Variants in CEP104 observed in about 807,000 individuals in gnomAD.
CEP104 encodes centrosomal protein 104.
A neutral mutation model predicts 113.3 loss-of-function variants in CEP104; 84 were observed. The observed-to-expected ratio is 0.74, with a 90% CI of 0.62 to 0.89. The LOEUF (loss-of-function observed/expected upper bound fraction) is 0.89, where lower values mean the gene tolerates loss of function less well. CEP104 is among the 40% of genes least tolerant of loss of function. The pLI is 0.00. For synonymous variants in CEP104, 378 were observed against 421.7 expected, an observed-to-expected ratio of 0.90 and a Z score of 1.27; for missense variants, 1,053 against 1,156.6, an observed-to-expected ratio of 0.91 and a Z score of 1.30.
chr1:3,842,548 G>A (rs932023958), intron 6 of CEP104, among the ~76,000 whole-genome samples: 1 of 152,210 alleles, frequency 6.6e-6, no homozygotes, highest in African/African-American at 2.4e-5. Flanking sequence ...TCAGCAAATC[G>A]CATGTGGCTC....
chr1:3,840,904 AG>A (rs1644400067), intron 6 of CEP104, among the ~76,000 whole-genome samples: 2 of 152,228 alleles, frequency 1.3e-5, no homozygotes, highest in African/African-American at 4.8e-5. Flanking sequence ...TTTTACTCAA[AG>A]GGTTAAGTTG....
intron 21 of CEP104, 71 bp downstream of exon 21, chr1:3,816,209 G>T: frequency 7.5e-7 from 1 of 1,335,138 alleles, no homozygotes; most frequent in Non-Finnish European, 1.0e-6. Context: ...TGCCCTGGAC[G>T]GGGATGCTTT....
In CEP104 at chr1:3,852,356, C is replaced by G. The variant is rs145413305; in HGVS notation, c.52G>C (p.Gly18Arg). 2 of 1,614,132 alleles carry G rather than the reference C, an allele frequency of 1.2e-6. No individual in the cohort carries two copies. The highest frequency in any genetic ancestry group is 1.1e-5 in the South Asian group (1 of 91,086). ...ATCATGAGCTCCCGGGCACTGAAGC[C>G]GTCTTCGTGTCCAGATGAGCTGACG... is the stretch of plus-strand genomic sequence containing the variant. ...VVVSSSGHED[G>R]FSARELMIHA... Residue 18 changes from glycine (G) to arginine (R), a missense_variant, in exon 2 of 22, where the codon GGC (glycine) becomes CGC (arginine). Physicochemically the swap from Gly to Arg is moderately radical, Grantham distance 125. Transcript: ENST00000378230.
At chr1:3,847,832 T>TTTG (rs879805634) in intron 3 of CEP104, 43 of 530,782 alleles carry the variant, frequency 8.1e-5, no homozygotes, top group East Asian at 7.0e-4. Flanking sequence ...GTATTCTTCT[T>TTTG]TTGTTGTTGT....
chr1:3,821,924 C>T (rs927461162), intron 20 of CEP104, among the ~76,000 whole-genome samples: 2 of 152,200 alleles, frequency 1.3e-5, no homozygotes, highest in African/African-American at 4.8e-5. Context: ...TAATCAGATG[C>T]TTCTGACCTG....
chr1:3,852,502 T>G, intron 1 of CEP104, 81 bp from the exon 2 acceptor site: 1 of 1,259,846 alleles, frequency 7.9e-7, no homozygotes, highest in East Asian at 2.5e-5. Context: ...GGTTCATGCC[T>G]TGCTAACACA....
chr1:3,847,490 G>GT lies in CEP104; in HGVS notation c.410dup (p.Tyr137Ter), dbSNP rs1315492843. 1.2e-6 allele frequency: 2 copies of GT among 1,606,804 alleles called. No homozygotes were observed. Among genetic ancestry groups the GT allele is most frequent in the Non-Finnish European group, 1.7e-6 (2 of 1,176,842 alleles). ...TGCATCTTACCTGATTATATATGTT[G>GT]TATTTGTTGACATGGTTTTGGTGAA... ...LIFHQNHVNK[Y>*]NIYNQVALVA... The change falls in exon 4 of 22, where the codon TAC becomes TAAC. Residue 137 changes from tyrosine to a stop codon, truncating the protein, a stop_gained and frameshift_variant. Coordinates refer to ENST00000378230, the MANE Select transcript of CEP104 (RefSeq NM_014704.4). LOFTEE classifies it high-confidence loss of function.
intron 8 of CEP104, among the ~76,000 whole-genome samples, chr1:3,838,187 C>T (rs1644350381): frequency 1.3e-5 from 2 of 152,154 alleles, no homozygotes; most frequent in South Asian, 4.1e-4. Flanking sequence ...GGGTCTCGCT[C>T]CATCACCAAG....
rs1268355087 is a variant in CEP104 at position 3,814,502 on chromosome 1, G to C, written c.*900C>G. The C allele has an allele frequency of 6.6e-6, 1 of 152,272 alleles. No homozygotes were observed. Among genetic ancestry groups the C allele is most frequent in the Non-Finnish European group, 1.5e-5 (1 of 68,058 alleles). 9.4% of individuals were successfully genotyped at this position (152,272 alleles called of 1,614,324 possible). A position where few individuals can be genotyped will look rare whatever the true frequency, so the allele number is the denominator to read the frequency against. ...CCAATCACAACATGGATGTGGAAGGGGCGGGAGGCCCATACCAGTGGGCTT... is the reference window on the plus strand; with the variant it reads ...CCAATCACAACATGGATGTGGAAGGCGCGGGAGGCCCATACCAGTGGGCTT... On this transcript the variant is annotated 3_prime_UTR_variant, in exon 22 of 22. Coordinates refer to ENST00000378230, the MANE Select transcript of CEP104 (RefSeq NM_014704.4).
rs9424304 is a variant in CEP104, at chr1:3,819,772, T to C, written c.2571+3402A>G. Among the ~76,000 whole-genome samples, 100,609 of 151,730 alleles carry C rather than the reference T, an allele frequency of 0.66. 34,676 individuals carry two copies. The highest frequency in any genetic ancestry group is 0.86 in the African/African-American group (35,768 of 41,366). On this transcript the variant is annotated intron_variant, in intron 20 of 21. Transcript: ENST00000378230. The surrounding 1 kb of genome is among the most constrained non-coding windows in gnomAD (Gnocchi z 4.6). Reference sequence around the variant, plus strand: ...GAAGAGAGAAAAAATATTTGAAGAATGAACGGCAAAACAATTCACACGAAA... The same window carrying C: ...GAAGAGAGAAAAAATATTTGAAGAACGAACGGCAAAACAATTCACACGAAA...
At position 3,825,878 on chromosome 1, in the gene CEP104, G is replaced by A. The variant is rs764163454; in HGVS notation, c.2256-12C>T. The A allele has an allele frequency of 3.8e-6, 6 of 1,574,856 alleles. No individual in the cohort carries two copies. The highest frequency in any genetic ancestry group is 5.2e-6 in the Non-Finnish European group (6 of 1,144,076). ...AAAAAATACACAAACTGAAAGCAAA[G>A]CAAAGCAGGAAATAAAGGTAAGGAT... On this transcript the variant is annotated splice_polypyrimidine_tract_variant and intron_variant, in intron 17 of 21. Coordinates refer to ENST00000378230, the MANE Select transcript of CEP104 (RefSeq NM_014704.4).
intron 1 of CEP104, among the ~76,000 whole-genome samples, chr1:3,853,474 T>C (rs1196990642): frequency 8.5e-5 from 13 of 152,112 alleles, no homozygotes; most frequent in Admixed American, 8.5e-4. Flanking sequence ...TGGGATAAGA[T>C]ATACTATTAA....
At chr1:3,818,110 C>T (rs2124633662) in intron 20 of CEP104, among the ~76,000 whole-genome samples, 1 of 152,382 alleles carries the variant, frequency 6.6e-6, no homozygotes, top group South Asian at 2.1e-4. Context: ...GGCATCCTCT[C>T]TGATGGGCTG....
intron 20 of CEP104, among the ~76,000 whole-genome samples, chr1:3,818,750 T>A (rs1454984715): frequency 1.3e-5 from 2 of 152,250 alleles, no homozygotes; most frequent in African/African-American, 4.8e-5. Context: ...AGTTTTATTA[T>A]AAAATGAGTG....
In CEP104 at chr1:3,815,278, G is replaced by T; in HGVS notation, c.*124C>A. 1.4e-6 allele frequency: 1 copy of T among 703,748 alleles called. No homozygotes were observed. The highest frequency in any genetic ancestry group is 1.7e-5 in the South Asian group (1 of 60,572). 43.6% of individuals were successfully genotyped at this position (703,748 alleles called of 1,614,324 possible). ...GCACAGACGCGTAAGAGGCGTGCAC[G>T]GCGGGGAGCTGGGGACAGCAGCCAG... On this transcript the variant is annotated 3_prime_UTR_variant, in exon 22 of 22. Coordinates refer to ENST00000378230, the MANE Select transcript of CEP104 (RefSeq NM_014704.4).
At chr1:3,844,873 AAAG>A (rs1324317280) in intron 6 of CEP104, 31 bp downstream of exon 6, 90 of 1,563,436 alleles carry the variant, frequency 5.8e-5, no homozygotes, top group Non-Finnish European at 7.8e-5. Flanking sequence ...GAGGAAAGTA[AAAG>A]AAGTTCATTG....
chr1:3,828,136 G>A (rs1644128991), intron 15 of CEP104, among the ~76,000 whole-genome samples: 1 of 152,310 alleles, frequency 6.6e-6, no homozygotes, highest in Non-Finnish European at 1.5e-5. Flanking sequence ...CAGGTCCTGG[G>A]CTGTGGTGAG....
chr1:3,848,647 T>C lies in CEP104; in HGVS notation c.248A>G (p.Tyr83Cys), dbSNP rs1263417518. Reference protein sequence around the residue: ...EFYISESLPEYFAPYQAERFR... With the variant: ...EFYISESLPECFAPYQAERFR... ...CCGCTCTGCTTGATAGGGTGCAAAA[T>C]ATTCAGGCAAGCTTTCACTAATGTA... Residue 83 changes from tyrosine to cysteine, a missense_variant, in exon 3 of 22, where the codon TAT (tyrosine) becomes TGT (cysteine). Coordinates refer to ENST00000378230, the MANE Select transcript of CEP104 (RefSeq NM_014704.4). 1 of 1,613,358 alleles carries C rather than the reference T, an allele frequency of 6.2e-7. No homozygotes were observed. The highest frequency in any genetic ancestry group is 1.3e-5 in the African/African-American group (1 of 74,788).
intron 4 of CEP104, among the ~76,000 whole-genome samples, chr1:3,845,972 AGG>A (rs1644498256): frequency 6.6e-6 from 1 of 151,272 alleles, no homozygotes; most frequent in Non-Finnish European, 1.5e-5. Flanking sequence ...CCAGCTACTC[AGG>A]AGGCTGAGGC....
Sources: gnomAD v4.1 joint callset for allele counts (sites outside exome capture counted in the v4.1 genomes callset) on GRCh38, gnomAD v4.1.1 for gene constraint, Gnocchi (gnomAD v3.1) non-coding constraint, MANE v1.5 for transcripts, NCBI Gene and HGNC (gene_info 2026-07-23, HGNC 2026-07-21) for gene names.